Variants in HIVEP3 observed in about 807,000 individuals in gnomAD.
The protein encoded by HIVEP3 is HIVEP zinc finger 3, also known as transcription factor HIVEP3.
HIVEP3 carries 49 observed loss-of-function variants against 152.8 expected under a neutral mutation model. The ratio of observed to expected loss-of-function variants is 0.32; its 90% CI spans 0.26 to 0.41. The LOEUF is 0.41. HIVEP3 is among the 10% of genes least tolerant of loss of function. HIVEP3 has a pLI of 1.00. For synonymous variants in HIVEP3, 1,269 were observed against 1,289.0 expected, an observed-to-expected ratio of 0.98 and a Z score of 0.33; for missense variants, 2,790 against 3,103.3, an observed-to-expected ratio of 0.90 and a Z score of 2.40.
chr1:41,994,568 A>C lies in HIVEP3; in HGVS notation n.119+41239T>G, dbSNP rs547690061. ...TGGCATTTCCCCCATCACTCTCTCT[A>C]TCTCTCTTGCTGCCATGTGAAGAAG... On this transcript the variant is annotated intron_variant and non_coding_transcript_variant, in intron 1 of 3. Coordinates refer to the HIVEP3 transcript ENST00000489103. Among the ~76,000 whole-genome samples the C allele has an allele frequency of 2.6e-5, 4 of 152,200 alleles. No homozygotes were observed. The East Asian group carries it at 7.7e-4, about 29-fold the overall frequency.
At chr1:41,775,821 G>A (rs1648673067) in intron 1 of HIVEP3, among the ~76,000 whole-genome samples, 1 of 152,162 alleles carries the variant, frequency 6.6e-6, no homozygotes, top group South Asian at 2.1e-4. Flanking sequence ...AACATGGAGA[G>A]TCCATGATTT....
At chr1:41,924,428 T>TA (rs1316455642) in intron 1 of HIVEP3, among the ~76,000 whole-genome samples, 1 of 152,204 alleles carries the variant, frequency 6.6e-6, no homozygotes, top group Non-Finnish European at 1.5e-5. Flanking sequence ...TCCTAGGGAC[T>TA]ATCATTATTA....
chr1:41,552,291 T>C (rs978881982), intron 5 of HIVEP3, among the ~76,000 whole-genome samples: 2 of 151,496 alleles, frequency 1.3e-5, no homozygotes, highest in African/African-American at 4.8e-5. Flanking sequence ...TATGTATACA[T>C]GTGCCATGCT....
chr1:41,621,013 C>G (rs1367781653), intron 3 of HIVEP3, among the ~76,000 whole-genome samples: 1 of 152,208 alleles, frequency 6.6e-6, no homozygotes, highest in Non-Finnish European at 1.5e-5. Flanking sequence ...AAGTAATTGA[C>G]AGTGTGACCC....
intron 2 of HIVEP3, among the ~76,000 whole-genome samples, chr1:41,651,557 T>C (rs751497076): frequency 2.6e-5 from 4 of 152,170 alleles, no homozygotes; most frequent in Non-Finnish European, 4.4e-5. Flanking sequence ...ATGACTTACA[T>C]ATACAGGAGG....
At chr1:41,844,953 A>T (rs1190777233) in intron 1 of HIVEP3, among the ~76,000 whole-genome samples, 2 of 152,218 alleles carry the variant, frequency 1.3e-5, no homozygotes, top group Non-Finnish European at 2.9e-5. Flanking sequence ...AGGGGAGAAG[A>T]GGGCCGCTGG....
At chr1:41,915,768 T>C (rs897475057) in intron 1 of HIVEP3, among the ~76,000 whole-genome samples, 4 of 152,240 alleles carry the variant, frequency 2.6e-5, no homozygotes, top group Non-Finnish European at 5.9e-5. Context: ...AAGGTTATGA[T>C]GGTTACACCT....
At chr1:41,534,117 C>G (rs1463137469) in intron 5 of HIVEP3, among the ~76,000 whole-genome samples, 1 of 152,174 alleles carries the variant, frequency 6.6e-6, no homozygotes, top group African/African-American at 2.4e-5. Context: ...CCAGCCCTGG[C>G]CACCACCCTC....
At chr1:42,013,019 T>C (rs1645502255) in intron 1 of HIVEP3, among the ~76,000 whole-genome samples, 1 of 152,218 alleles carries the variant, frequency 6.6e-6, no homozygotes. Context: ...CTGAGTGGCT[T>C]AAACAACAAA....
At chr1:41,653,590 C>CT (rs1342733529) in intron 2 of HIVEP3, among the ~76,000 whole-genome samples, 2 of 152,114 alleles carry the variant, frequency 1.3e-5, no homozygotes, top group Non-Finnish European at 2.9e-5. Flanking sequence ...ATATCCTACC[C>CT]TTTTAAAAAA....
At chr1:41,872,803 G>A (rs943022342) in intron 1 of HIVEP3, among the ~76,000 whole-genome samples, 1 of 152,170 alleles carries the variant, frequency 6.6e-6, no homozygotes, top group Non-Finnish European at 1.5e-5. Flanking sequence ...CCCAGTTGAT[G>A]GGTATTTGGG....
chr1:41,687,866 C>G (rs1413595044), intron 2 of HIVEP3, among the ~76,000 whole-genome samples: 1 of 152,216 alleles, frequency 6.6e-6, no homozygotes, highest in Admixed American at 6.5e-5. Flanking sequence ...AGAAAATGAA[C>G]ATGAGATATG....
At chr1:41,741,455 A>G (rs1014098453) in intron 1 of HIVEP3, among the ~76,000 whole-genome samples, 18 of 151,978 alleles carry the variant, frequency 1.2e-4, no homozygotes, top group African/African-American at 4.1e-4. Context: ...CACCCACCCT[A>G]TCTCAGTGAC....
chr1:41,952,976 C>G (rs747487528), intron 1 of HIVEP3, among the ~76,000 whole-genome samples: 9 of 152,106 alleles, frequency 5.9e-5, no homozygotes, highest in Admixed American at 1.3e-4. Context: ...GCAGTCTAGG[C>G]ACAGCTGTCC....
At chr1:41,687,626 A>G (rs985354745) in intron 2 of HIVEP3, among the ~76,000 whole-genome samples, 1 of 152,214 alleles carries the variant, frequency 6.6e-6, no homozygotes, top group African/African-American at 2.4e-5. Flanking sequence ...GCACACACTT[A>G]GGTGCACGGC....
intron 5 of HIVEP3, among the ~76,000 whole-genome samples, chr1:41,540,211 A>T (rs1432895243): frequency 2.0e-5 from 3 of 152,234 alleles, no homozygotes; most frequent in African/African-American, 7.2e-5. Flanking sequence ...TGCCTGGCCA[A>T]CGCTGGGCTA....
chr1:41,844,933 C>T (rs2124374196), intron 1 of HIVEP3, among the ~76,000 whole-genome samples: 1 of 152,362 alleles, frequency 6.6e-6, no homozygotes, highest in Non-Finnish European at 1.5e-5. Context: ...TCACCAGGAA[C>T]AGCCTGGAGA....
intron 1 of HIVEP3, among the ~76,000 whole-genome samples, chr1:41,788,368 C>T (rs1340632501): frequency 6.6e-6 from 1 of 152,242 alleles, no homozygotes; most frequent in Non-Finnish European, 1.5e-5. Context: ...TGGGCTGCAT[C>T]CAGATGAGCA....
chr1:41,522,867 T>A (rs1642798607), intron 6 of HIVEP3, among the ~76,000 whole-genome samples: 1 of 152,192 alleles, frequency 6.6e-6, no homozygotes, highest in African/African-American at 2.4e-5. Context: ...AGGTGTGCTC[T>A]GCATGGCCCT....
Sources: allele counts gnomAD v4.1 joint callset (sites outside exome capture counted in the v4.1 genomes callset), GRCh38; gene constraint gnomAD v4.1.1; transcripts MANE v1.5; gene names NCBI Gene and HGNC (gene_info 2026-07-23, HGNC 2026-07-21).